Variants in DPY19L3 observed in about 807,000 individuals in gnomAD.
The protein encoded by DPY19L3 is protein C-mannosyl-transferase DPY19L3.
DPY19L3 carries 51 observed loss-of-function variants against 92.3 expected under a neutral mutation model. The observed-to-expected ratio is 0.55, with a 90% CI of 0.44 to 0.70. The LOEUF is 0.70. Among genes scored for constraint, DPY19L3 ranks in the 30% least tolerant of loss-of-function variants. DPY19L3 has a pLI of 0.00. For missense variants in DPY19L3, 706 were observed against 855.9 expected, an observed-to-expected ratio of 0.82 and a Z score of 2.18; for synonymous variants, 309 against 315.2, an observed-to-expected ratio of 0.98 and a Z score of 0.21.
At chr19:32,407,983 G>T (rs1214723808) in intron 1 of DPY19L3, among the ~76,000 whole-genome samples, 1 of 152,082 alleles carries the variant, frequency 6.6e-6, no homozygotes, top group African/African-American at 2.4e-5. Flanking sequence ...AGATACTCGG[G>T]AGGCTGAGGT....
chr19:32,482,908 TG>T lies in DPY19L3; in HGVS notation c.*671del, dbSNP rs1970715477. The T allele has an allele frequency of 6.6e-6, 1 of 152,228 alleles. No individual in the cohort carries two copies. Among genetic ancestry groups the T allele is most frequent in the Admixed American group, 6.5e-5 (1 of 15,286 alleles). 9.4% of individuals were successfully genotyped at this position (152,228 alleles called of 1,614,324 possible). ...CATGTGCACACATGTGTTTTAATGC[TG>T]GGCACAGAAAAGTGTTACAAGTTCC... is the stretch of plus-strand genomic sequence containing the variant. On this transcript the variant is annotated 3_prime_UTR_variant, in exon 19 of 19. Coordinates refer to ENST00000392250, the MANE Select transcript of DPY19L3 (RefSeq NM_001172774.2).
chr19:32,445,912 A>G (rs1392378790), intron 8 of DPY19L3, among the ~76,000 whole-genome samples: 1 of 152,050 alleles, frequency 6.6e-6, no homozygotes, highest in African/African-American at 2.4e-5. Flanking sequence ...GAGGCTGGAG[A>G]ATTGCTTTGA....
intron 16 of DPY19L3, among the ~76,000 whole-genome samples, chr19:32,473,352 C>T (rs760421959): frequency 6.6e-5 from 10 of 152,122 alleles, no homozygotes; most frequent in Non-Finnish European, 1.2e-4. Context: ...GTAAAAATTG[C>T]TTTGTTTTTC....
chr19:32,466,080 G>T (rs1169318621), intron 15 of DPY19L3, among the ~76,000 whole-genome samples: 1 of 152,120 alleles, frequency 6.6e-6, no homozygotes, highest in African/African-American at 2.4e-5. Flanking sequence ...CATACTGCCC[G>T]TGTGCATGTA....
intron 3 of DPY19L3, among the ~76,000 whole-genome samples, chr19:32,417,152 G>A (rs570391154): frequency 3.9e-5 from 6 of 152,354 alleles, no homozygotes; most frequent in African/African-American, 1.2e-4. Flanking sequence ...TTAGAGGGTA[G>A]AGTTTTGATA....
At chr19:32,476,377 C>T (rs1442303285) in intron 16 of DPY19L3, among the ~76,000 whole-genome samples, 1 of 151,958 alleles carries the variant, frequency 6.6e-6, no homozygotes, top group East Asian at 1.9e-4. Flanking sequence ...GGCACAGACT[C>T]CTCTCAATGC....
intron 4 of DPY19L3, among the ~76,000 whole-genome samples, chr19:32,434,216 T>C (rs972897111): frequency 2.6e-5 from 4 of 152,208 alleles, no homozygotes; most frequent in Non-Finnish European, 5.9e-5. Context: ...CAGAATACTT[T>C]AGCCTCTGGC....
Position 32,411,221 on chromosome 19 carries a change from G to C in DPY19L3, c.104-18G>C. The stretch of plus-strand genomic sequence containing the variant: ...TTTTTACTGACTTAGTTATTTATCT[G>C]TTCCATTTTTCCAAAAGGTTGTACC... On this transcript the variant is annotated intron_variant, in intron 2 of 18. Transcript: ENST00000392250. The C allele has an allele frequency of 6.2e-7, 1 of 1,600,134 alleles. No individual in the cohort carries two copies. Among genetic ancestry groups the C allele is most frequent in the Non-Finnish European group, 8.5e-7 (1 of 1,176,032 alleles).
intron 15 of DPY19L3, among the ~76,000 whole-genome samples, chr19:32,465,208 C>T (rs1317890922): frequency 6.6e-6 from 1 of 152,216 alleles, no homozygotes; most frequent in African/African-American, 2.4e-5. Context: ...GAGAATTAGA[C>T]ACATAAATAA....
intron 3 of DPY19L3, among the ~76,000 whole-genome samples, chr19:32,413,351 T>C (rs1462437586): frequency 6.6e-6 from 1 of 152,232 alleles, no homozygotes; most frequent in Non-Finnish European, 1.5e-5. Context: ...GAATGACCTC[T>C]AGTGTGTTTA....
At chr19:32,471,391 G>A (rs1220570263) in intron 16 of DPY19L3, among the ~76,000 whole-genome samples, 1 of 152,144 alleles carries the variant, frequency 6.6e-6, no homozygotes, top group African/African-American at 2.4e-5. Flanking sequence ...CAATCATCAC[G>A]GCATCTATCG....
At chr19:32,460,134 G>T (rs927856260) in intron 12 of DPY19L3, among the ~76,000 whole-genome samples, 1 of 152,102 alleles carries the variant, frequency 6.6e-6, no homozygotes, top group African/African-American at 2.4e-5. Context: ...TAAAGGCCAG[G>T]TATGGTGGGC....
intron 3 of DPY19L3, among the ~76,000 whole-genome samples, chr19:32,418,144 T>TA (rs1344114717): frequency 6.6e-5 from 10 of 152,180 alleles, no homozygotes; most frequent in African/African-American, 2.4e-4. Flanking sequence ...TGGGAAGCTA[T>TA]AAAACAGGCG....
chr19:32,470,003 G>T (rs1307462953), intron 16 of DPY19L3, among the ~76,000 whole-genome samples: 1 of 152,206 alleles, frequency 6.6e-6, no homozygotes, highest in Non-Finnish European at 1.5e-5. Context: ...GTACAGGTCA[G>T]CCCTGCGTGT....
chr19:32,463,608 C>A, intron 13 of DPY19L3, 120 bp downstream of exon 13: 1 of 1,210,800 alleles, frequency 8.3e-7, no homozygotes, highest in Non-Finnish European at 1.2e-6. Flanking sequence ...TAAAATCATC[C>A]TTATATCCTA....
chr19:32,456,108 GTC>G (rs10611242), intron 10 of DPY19L3, among the ~76,000 whole-genome samples: 75,163 of 137,202 alleles, frequency 0.55, 21,357 homozygotes, highest in East Asian at 0.62. Flanking sequence ...TTTGGACAGG[GTC>G]TCTCACCCAG....
chr19:32,445,314 G>A (rs573604519), intron 8 of DPY19L3, among the ~76,000 whole-genome samples: 5 of 151,390 alleles, frequency 3.3e-5, no homozygotes, highest in African/African-American at 4.9e-5. Flanking sequence ...GGTGGCAGGC[G>A]CTTGTAGTCC....
intron 3 of DPY19L3, among the ~76,000 whole-genome samples, chr19:32,414,516 C>T (rs932778847): frequency 3.3e-5 from 5 of 151,426 alleles, no homozygotes; most frequent in Non-Finnish European, 7.4e-5. Context: ...ATTGCTTGAA[C>T]TCAGGAGGCA....
chr19:32,408,432 TA>T, intron 2 of DPY19L3, 76 bp downstream of exon 2: 2 of 1,104,598 alleles, frequency 1.8e-6, no homozygotes, highest in Non-Finnish European at 2.6e-6. Flanking sequence ...TCCAATAGGA[TA>T]AAAATTTGGT....
Sources: gnomAD v4.1 joint callset for allele counts (sites outside exome capture counted in the v4.1 genomes callset) on GRCh38, gnomAD v4.1.1 for gene constraint, MANE v1.5 for transcripts, NCBI Gene and HGNC (gene_info 2026-07-23, HGNC 2026-07-21) for gene names.